ABCA10: variants seen among roughly 807,000 people sequenced by gnomAD.
The protein encoded by ABCA10 is ATP-binding cassette sub-family A member 10.
A neutral mutation model predicts 187.5 loss-of-function variants in ABCA10; 169 were observed. The ratio of observed to expected loss-of-function variants is 0.90; its 90% CI spans 0.80 to 1.02. The LOEUF is 1.02. Among genes scored for constraint, ABCA10 ranks in the 50% least tolerant of loss-of-function variants. The pLI, the probability that ABCA10 is intolerant of heterozygous loss-of-function variation, is 0.00. For missense variants in ABCA10, 1,727 were observed against 1,812.4 expected, an observed-to-expected ratio of 0.95 and a Z score of 0.86; for synonymous variants, 574 against 601.8, an observed-to-expected ratio of 0.95 and a Z score of 0.68.
intron 28 of ABCA10, among the ~76,000 whole-genome samples, chr17:69,156,475 A>G (rs1428910749): frequency 6.6e-6 from 1 of 152,184 alleles, no homozygotes; most frequent in Non-Finnish European, 1.5e-5. Flanking sequence ...GCACTGTGCA[A>G]TATGCTTAGC....
intron 22 of ABCA10, 55 bp from the exon 23 acceptor site, chr17:69,175,568 C>T: frequency 1.5e-6 from 2 of 1,339,364 alleles, no homozygotes; most frequent in South Asian, 2.8e-5. Flanking sequence ...ATTATACAAA[C>T]ATTATAAGAT....
At chr17:69,178,613 G>A (rs574597100) in intron 22 of ABCA10, among the ~76,000 whole-genome samples, 1 of 152,178 alleles carries the variant, frequency 6.6e-6, no homozygotes, top group African/African-American at 2.4e-5. Context: ...GTGTCCCTGA[G>A]AAAGGATGTT....
intron 25 of ABCA10, among the ~76,000 whole-genome samples, chr17:69,171,554 AGTG>A (rs1369605717): frequency 6.6e-6 from 1 of 152,204 alleles, no homozygotes; most frequent in African/African-American, 2.4e-5. Context: ...CAATATCTGA[AGTG>A]GTATTGGCTG....
rs536751261 is a variant in ABCA10 at position 69,148,422 on chromosome 17, T to C, written c.*405A>G. 1 of 162,824 alleles carries C rather than the reference T, an allele frequency of 6.1e-6. No homozygotes were observed. The highest frequency in any genetic ancestry group is 1.3e-5 in the Non-Finnish European group (1 of 74,850). The allele number at this position is 162,824 out of a possible 1,614,324, so 10.1% of individuals were successfully genotyped here. On this transcript the variant is annotated 3_prime_UTR_variant, in exon 39 of 39. Transcript: ENST00000690296. ...AGACCTTCTTATAGTCAATGTCACA[T>C]TAAATTAGAATCCGAGTAAATAATG...
intron 27 of ABCA10, 75 bp downstream of exon 27, chr17:69,163,999 G>A: frequency 1.7e-6 from 2 of 1,148,396 alleles, no homozygotes; most frequent in Non-Finnish European, 2.4e-6. Flanking sequence ...TTTAAATTTG[G>A]CATACCTTGA....
At chr17:69,204,760 CAGTAAA>C (rs1204891224) in intron 9 of ABCA10, among the ~76,000 whole-genome samples, 1 of 152,140 alleles carries the variant, frequency 6.6e-6, no homozygotes, top group Non-Finnish European at 1.5e-5. Context: ...TGTTTTGGTT[CAGTAAA>C]AGAATTATAA....
intron 25 of ABCA10, among the ~76,000 whole-genome samples, chr17:69,171,620 C>A (rs1178148351): frequency 5.9e-5 from 9 of 151,950 alleles, no homozygotes; most frequent in African/African-American, 2.2e-4. Context: ...CCAATTTATA[C>A]AAAAATAAAG....
chr17:69,223,754 A>C, intron 3 of ABCA10: 1 of 386,014 alleles, frequency 2.6e-6, no homozygotes, highest in South Asian at 1.9e-5. Context: ...ATGAATATTT[A>C]TGCTAAAAAG....
At chr17:69,225,599 A>T in intron 2 of ABCA10, 70 bp from the exon 3 acceptor site, 1 of 407,206 alleles carries the variant, frequency 2.5e-6, no homozygotes, top group Admixed American at 4.4e-5. Flanking sequence ...ATCCAAACAC[A>T]TTTTTAAGGC....
intron 6 of ABCA10, among the ~76,000 whole-genome samples, chr17:69,217,405 T>C (rs79521381): frequency 0.019 from 2,938 of 152,254 alleles, 90 homozygotes; most frequent in African/African-American, 0.067. Context: ...AATATACCAC[T>C]GAGCATTTTT....
At position 69,149,109 on chromosome 17, in the gene ABCA10, A is replaced by G. The variant is rs752996587; in HGVS notation, c.4478-21T>C. On this transcript the variant is annotated intron_variant, in intron 37 of 38. Coordinates refer to ENST00000690296, the MANE Select transcript of ABCA10 (RefSeq NM_001377321.1). ...TTTCACTGCATGTAAAGAGACTGAC[A>G]TTAGTGGCTTATATATTTTTCACCA... 4 of 1,613,358 alleles carry G rather than the reference A, an allele frequency of 2.5e-6. No individual in the cohort carries two copies. The South Asian group carries it at 4.4e-5, about 18-fold the overall frequency.
At chr17:69,174,468 G>A (rs149336917) in intron 24 of ABCA10, 74 bp from the exon 25 acceptor site, 1 of 1,451,606 alleles carries the variant, frequency 6.9e-7, no homozygotes, top group African/African-American at 1.4e-5. Context: ...GAGATAATCA[G>A]GTCATAAAGC....
intron 3 of ABCA10, chr17:69,223,693 A>AATT: frequency 2.3e-6 from 1 of 443,038 alleles, no homozygotes; most frequent in Non-Finnish European, 4.5e-6. Flanking sequence ...GGACAGTGCT[A>AATT]ACATCACTGA....
chr17:69,214,691 A>C lies in ABCA10; in HGVS notation c.1006+13T>G. Reference sequence around the variant, plus strand: ...TTGCTTTAAATTTAACTTTAACCACACTATTAACTTACCAGGTAAAACTCG... The same window carrying C: ...TTGCTTTAAATTTAACTTTAACCACCCTATTAACTTACCAGGTAAAACTCG... On this transcript the variant is annotated intron_variant, in intron 9 of 38. Coordinates refer to ENST00000690296, the MANE Select transcript of ABCA10 (RefSeq NM_001377321.1). 2.7e-6 allele frequency: 4 copies of C among 1,464,996 alleles called. No individual in the cohort carries two copies. The South Asian group carries it at 5.7e-5, about 21-fold the overall frequency. 90.7% of individuals were successfully genotyped at this position (1,464,996 alleles called of 1,614,324 possible).
chr17:69,198,023 T>C (rs145889681), intron 10 of ABCA10, among the ~76,000 whole-genome samples: 1 of 152,244 alleles, frequency 6.6e-6, no homozygotes, highest in African/African-American at 2.4e-5. Context: ...CCATTCTCTA[T>C]CTCAGTTAGA....
At position 69,156,213 on chromosome 17, in the gene ABCA10, T is replaced by C. The variant is rs778758895; in HGVS notation, c.3456-288A>G. On this transcript the variant is annotated intron_variant, in intron 28 of 38. Transcript: ENST00000690296. ...ATGTAGACATACGGGTCTTTTAGTC[T>C]GTCACCATCCAGATCATGACCACAT... Among the ~76,000 whole-genome samples the C allele has an allele frequency of 7.2e-5, 11 of 152,314 alleles. No individual in the cohort carries two copies. In the East Asian group the frequency reaches 1.2e-3, roughly 16 times the overall value.
At chr17:69,201,447 A>C (rs999506878) in intron 10 of ABCA10, 53 bp downstream of exon 10, 1 of 1,388,732 alleles carries the variant, frequency 7.2e-7, no homozygotes, top group African/African-American at 1.5e-5. Flanking sequence ...CTGCAGCTTC[A>C]TTTACTAAGC....
chr17:69,163,617 CAA>C (rs1319825472), intron 27 of ABCA10, among the ~76,000 whole-genome samples: 8 of 152,206 alleles, frequency 5.3e-5, no homozygotes, highest in Non-Finnish European at 1.2e-4. Context: ...GGTGTGCAAA[CAA>C]GAGTATGTTT....
chr17:69,182,679 T>C lies in ABCA10; in HGVS notation c.2627A>G (p.Gln876Arg). 1 of 1,595,350 alleles carries C rather than the reference T, an allele frequency of 6.3e-7. No homozygotes were observed. Reference protein sequence around the residue: ...YNGAIIVSGDQKDYRFSVACN... With the variant: ...YNGAIIVSGDRKDYRFSVACN... ...AGTGCATAGAAGCAAACATACCTTC[T>C]GGTCACCAGACACTATGATGGCTCC... The change falls in exon 21 of 39, where the codon CAG (glutamine) becomes CGG (arginine). Residue 876 changes from glutamine to arginine, a missense_variant. Gln to Arg is a conservative substitution (Grantham distance 43). Transcript: ENST00000690296.
Sources: gnomAD v4.1 joint callset for allele counts (sites outside exome capture counted in the v4.1 genomes callset) on GRCh38, gnomAD v4.1.1 for gene constraint, MANE v1.5 for transcripts, NCBI Gene and HGNC (gene_info 2026-07-23, HGNC 2026-07-21) for gene names.